The following CRACD variants were observed in gnomAD, a reference collection of about 807,000 sequenced individuals.
The protein encoded by CRACD is capping protein-inhibiting regulator of actin dynamics.
CRACD carries 56 observed loss-of-function variants against 106.8 expected under a neutral mutation model. That is an observed-to-expected ratio of 0.52 (90% CI 0.42 to 0.66). CRACD has a LOEUF of 0.66. Among genes scored for constraint, CRACD ranks in the 30% least tolerant of loss-of-function variants. The pLI, the probability that CRACD is intolerant of heterozygous loss-of-function variation, is 0.00. For missense variants in CRACD, 1,730 were observed against 1,623.2 expected, an observed-to-expected ratio of 1.07 and a Z score of -1.13; for synonymous variants, 754 against 670.8, an observed-to-expected ratio of 1.12 and a Z score of -1.92.
intron 1 of CRACD, among the ~76,000 whole-genome samples, chr4:56,163,062 C>G (rs1369264705): frequency 6.6e-6 from 1 of 152,122 alleles, no homozygotes; most frequent in Non-Finnish European, 1.5e-5. Flanking sequence ...CTGTAATTTG[C>G]CAACTCTGCT....
At chr4:56,089,361 C>A (rs933231737) in intron 1 of CRACD, among the ~76,000 whole-genome samples, 3 of 152,078 alleles carry the variant, frequency 2.0e-5, no homozygotes, top group African/African-American at 7.2e-5. Flanking sequence ...GTTCACTTTG[C>A]GGATTTGTTT....
intron 8 of CRACD, among the ~76,000 whole-genome samples, chr4:56,320,158 C>A (rs567753797): frequency 0.021 from 3,000 of 140,676 alleles, 45 homozygotes; most frequent in South Asian, 0.049. Flanking sequence ...AAAAAAAAAA[C>A]AAACCTTTCA....
chr4:56,119,432 G>T (rs138379206), intron 1 of CRACD, among the ~76,000 whole-genome samples: 1 of 151,826 alleles, frequency 6.6e-6, no homozygotes, highest in Non-Finnish European at 1.5e-5. Flanking sequence ...CTGGGCTCAA[G>T]CGATCCTCCC....
rs116753560 is a variant in CRACD at position 56,160,100 on chromosome 4, A to T, written c.-335-19184A>T. ...CCGGCCAAAAATGACTTTCATTGGAATTTTTTTTCTAAAACTTAATGCATA... is the reference window on the plus strand; with the variant it reads ...CCGGCCAAAAATGACTTTCATTGGATTTTTTTTTCTAAAACTTAATGCATA... On this transcript the variant is annotated intron_variant, in intron 1 of 10. Coordinates refer to ENST00000682029, the MANE Select transcript of CRACD (RefSeq NM_001393381.1). 3.6e-3 allele frequency among the ~76,000 whole-genome samples: 548 copies of T among 151,728 alleles called. 3 individuals carry two copies. The highest frequency in any genetic ancestry group is 0.012 in the African/African-American group (512 of 41,362).
At chr4:56,071,623 C>T (rs1244771324) in intron 1 of CRACD, among the ~76,000 whole-genome samples, 12 of 151,982 alleles carry the variant, frequency 7.9e-5, no homozygotes, top group African/African-American at 2.9e-4. Context: ...AATTCTCCTG[C>T]GTCAGCCTCC....
chr4:56,141,743 G>A (rs914794436), intron 1 of CRACD, among the ~76,000 whole-genome samples: 2 of 141,368 alleles, frequency 1.4e-5, no homozygotes, highest in African/African-American at 2.7e-5. Context: ...ACCCACGCTG[G>A]GGTGCAGTGC....
intron 1 of CRACD, among the ~76,000 whole-genome samples, chr4:56,167,977 G>A (rs1244936087): frequency 1.3e-5 from 2 of 152,164 alleles, no homozygotes; most frequent in Non-Finnish European, 2.9e-5. Flanking sequence ...AGATTCCTCA[G>A]GATTTTCTAC....
intron 1 of CRACD, among the ~76,000 whole-genome samples, chr4:56,050,270 G>C (rs559035994): frequency 8.1e-6 from 1 of 123,476 alleles, no homozygotes; most frequent in Non-Finnish European, 1.7e-5. Context: ...GTGTAGGTGA[G>C]GGAGTGTGTG....
intron 1 of CRACD, among the ~76,000 whole-genome samples, chr4:56,152,331 CT>C (rs1217967343): frequency 6.6e-6 from 1 of 150,982 alleles, no homozygotes; most frequent in Non-Finnish European, 1.5e-5. Flanking sequence ...ATAGTTTTTT[CT>C]TTTTGTAATA....
At chr4:56,264,341 T>C (rs1372496058) in intron 2 of CRACD, among the ~76,000 whole-genome samples, 1 of 152,082 alleles carries the variant, frequency 6.6e-6, no homozygotes, top group Admixed American at 6.5e-5. Flanking sequence ...AAAGTCTACC[T>C]TATAATCCTT....
chr4:56,101,781 A>G (rs1272109354), intron 1 of CRACD, among the ~76,000 whole-genome samples: 1 of 148,358 alleles, frequency 6.7e-6, no homozygotes, highest in East Asian at 2.0e-4. Flanking sequence ...AAAAAAAAAG[A>G]ATGTGTTACT....
chr4:56,261,817 T>C (rs930333140), intron 2 of CRACD, among the ~76,000 whole-genome samples: 1 of 152,190 alleles, frequency 6.6e-6, no homozygotes, highest in Admixed American at 6.5e-5. Flanking sequence ...GTTGTGATTT[T>C]TATTGATAAG....
At chr4:56,061,530 A>C (rs532786219) in intron 1 of CRACD, among the ~76,000 whole-genome samples, 30 of 152,082 alleles carry the variant, frequency 2.0e-4, no homozygotes, top group African/African-American at 5.8e-4. Flanking sequence ...GTTGGCCAGT[A>C]AACAGATGAC....
At chr4:56,229,015 A>G (rs191451175) in intron 2 of CRACD, among the ~76,000 whole-genome samples, 8 of 152,338 alleles carry the variant, frequency 5.3e-5, no homozygotes, top group Admixed American at 5.2e-4. Flanking sequence ...AAATGTTTTG[A>G]AAGTCATACA....
chr4:56,185,478 T>G (rs1364704071), intron 2 of CRACD, among the ~76,000 whole-genome samples: 2 of 152,234 alleles, frequency 1.3e-5, no homozygotes, highest in Non-Finnish European at 2.9e-5. Flanking sequence ...TGATGTTTTG[T>G]GACTGGTAAA....
chr4:56,295,307 G>A (rs1206879264), intron 3 of CRACD, among the ~76,000 whole-genome samples: 1 of 152,052 alleles, frequency 6.6e-6, no homozygotes, highest in Non-Finnish European at 1.5e-5. Flanking sequence ...AAAGAGGTTA[G>A]CATATATGCA....
chr4:56,244,594 G>A (rs1740572882), intron 2 of CRACD, among the ~76,000 whole-genome samples: 1 of 152,086 alleles, frequency 6.6e-6, no homozygotes, highest in Admixed American at 6.6e-5. Context: ...GAAATGCTCT[G>A]GACTCATTGA....
At chr4:56,326,995 C>G (rs184930543) in intron 10 of CRACD, among the ~76,000 whole-genome samples, 1 of 152,118 alleles carries the variant, frequency 6.6e-6, no homozygotes, top group South Asian at 2.1e-4. Context: ...CCTCCTTGAC[C>G]TCCCAAAGTG....
chr4:56,306,034 A>C (rs976466352), intron 4 of CRACD, among the ~76,000 whole-genome samples: 6 of 152,182 alleles, frequency 3.9e-5, no homozygotes, highest in African/African-American at 1.4e-4. Flanking sequence ...TTATTTTTAA[A>C]AGACCTGAGT....
Sources: allele counts gnomAD v4.1 joint callset (sites outside exome capture counted in the v4.1 genomes callset), GRCh38; gene constraint gnomAD v4.1.1; transcripts MANE v1.5; gene names NCBI Gene and HGNC (gene_info 2026-07-23, HGNC 2026-07-21).